The following MYOM1 variants were observed in gnomAD, a reference collection of about 807,000 sequenced individuals.
MYOM1 encodes myomesin 1.
Under a neutral mutation model 205.3 loss-of-function variants are expected in MYOM1, and 164 were observed. That is an observed-to-expected ratio of 0.80 (90% CI 0.70 to 0.91). The LOEUF is 0.91. Ranked by LOEUF, MYOM1 falls within the 40% of genes least tolerant of loss-of-function variation. The probability of loss-of-function intolerance (pLI) is 0.00; values close to 1 mark genes in which losing one functional copy is unlikely to be tolerated. For missense variants in MYOM1, 2,011 were observed against 2,127.3 expected (o/e 0.95, Z 1.08); for synonymous variants, 772 against 789.4 (o/e 0.98, Z 0.37).
chr18:3,184,779 C>T (rs898956007), intron 5 of MYOM1, among the ~76,000 whole-genome samples: 6 of 152,290 alleles, frequency 3.9e-5, no homozygotes, highest in South Asian at 4.1e-4. Context: ...ATGCTTTGCA[C>T]GGGGCTCAAG....
chr18:3,155,740 T>C (rs1038384466), intron 10 of MYOM1, among the ~76,000 whole-genome samples: 2 of 152,080 alleles, frequency 1.3e-5, no homozygotes, highest in Non-Finnish European at 2.9e-5. Context: ...TCTCATGACA[T>C]TGATTGTGCA....
chr18:3,075,587 T>C, intron 35 of MYOM1, 111 bp from the exon 36 acceptor site: 1 of 1,433,198 alleles, frequency 7.0e-7, no homozygotes, highest in Non-Finnish European at 9.8e-7. Flanking sequence ...TGCTGTTCAA[T>C]ATAACAATGG....
rs775657868 is a variant in MYOM1, at chr18:3,075,761, G to C, written c.4649C>G (p.Ala1550Gly). The change falls in exon 35 of 38, where the codon GCA becomes GGA. Residue 1550 changes from alanine to glycine, a missense_variant and splice_region_variant. Physicochemically the swap from Ala to Gly is moderately conservative, Grantham distance 60. Coordinates refer to ENST00000356443, the MANE Select transcript of MYOM1 (RefSeq NM_003803.4). ...HQKTVDLSGQ[A>G]YDEAYAEFQR... is the part of the protein sequence containing the mutation. ...GAATTCAGCATAGGCCTCATCGTAT[G>C]CTTTAAAAGAAAAAAGAAAAGTTAG... 6.3e-7 allele frequency: 1 copy of C among 1,584,820 alleles called. No homozygotes were observed. Among genetic ancestry groups the C allele is most frequent in the South Asian group, 1.1e-5 (1 of 87,232 alleles).
intron 2 of MYOM1, 87 bp from the exon 3 acceptor site, chr18:3,194,045 G>T (rs975046631): frequency 2.2e-6 from 3 of 1,377,186 alleles, no homozygotes; most frequent in Non-Finnish European, 2.0e-6. Context: ...TAACTTGGGA[G>T]AAATTTTACC....
At chr18:3,095,198 C>T (rs945997502) in intron 25 of MYOM1, among the ~76,000 whole-genome samples, 1 of 151,906 alleles carries the variant, frequency 6.6e-6, no homozygotes, top group Admixed American at 6.6e-5. Flanking sequence ...GCTTTGGAGT[C>T]CCACCAAGAT....
At chr18:3,198,654 G>A (rs1474378878) in intron 2 of MYOM1, among the ~76,000 whole-genome samples, 1 of 151,968 alleles carries the variant, frequency 6.6e-6, no homozygotes, top group Non-Finnish European at 1.5e-5. Context: ...CGTGGTGGCG[G>A]GCGCCTGTAA....
intron 25 of MYOM1, among the ~76,000 whole-genome samples, chr18:3,096,757 G>A (rs1047681243): frequency 5.3e-5 from 8 of 152,182 alleles, no homozygotes; most frequent in Non-Finnish European, 1.0e-4. Flanking sequence ...TGCAAATGAA[G>A]GGCTATTATG....
chr18:3,187,219 C>A (rs1470619691), intron 5 of MYOM1, among the ~76,000 whole-genome samples: 1 of 152,062 alleles, frequency 6.6e-6, no homozygotes, highest in East Asian at 1.9e-4. Context: ...GACTAAAATG[C>A]AATACTTCAT....
rs188713663 is a variant in MYOM1 at position 3,219,255 on chromosome 18, G to A, written c.-29+548C>T. On this transcript the variant is annotated intron_variant, in intron 1 of 37. Coordinates refer to ENST00000356443, the MANE Select transcript of MYOM1 (RefSeq NM_003803.4). The surrounding 1 kb of genome is among the most constrained non-coding windows in gnomAD (Gnocchi z 4.4). Reference sequence around the variant, plus strand: ...ACGATTCCCAGAAAAATCACTATGTGGGGCTCTATGTTGCCTCTGAAATAT... The same window carrying A: ...ACGATTCCCAGAAAAATCACTATGTAGGGCTCTATGTTGCCTCTGAAATAT... Among the ~76,000 whole-genome samples the A allele has an allele frequency of 7.4e-4, 113 of 152,214 alleles. No homozygotes were observed. Among genetic ancestry groups the A allele is most frequent in the Non-Finnish European group, 8.7e-4 (59 of 68,016 alleles).
At chr18:3,194,655 A>G (rs2080968741) in intron 2 of MYOM1, among the ~76,000 whole-genome samples, 1 of 152,212 alleles carries the variant, frequency 6.6e-6, no homozygotes, top group Admixed American at 6.5e-5. Flanking sequence ...CAGAGATAGC[A>G]GAGGAAAAGG....
chr18:3,079,182 G>A lies in MYOM1; in HGVS notation c.4645C>T (p.Gln1549Ter). 6.2e-7 allele frequency: 1 copy of A among 1,613,544 alleles called. No individual in the cohort carries two copies. The highest frequency in any genetic ancestry group is 8.5e-7 in the Non-Finnish European group (1 of 1,179,766). The change falls in exon 34 of 38, where the codon CAA becomes TAA. Residue 1549 changes from glutamine (Q) to a stop codon, truncating the protein, a stop_gained. Transcript: ENST00000356443. LOFTEE classifies it high-confidence loss of function. ...GHQKTVDLSG[Q>*]AYDEAYAEFQ... ...AATCTGCAAAATATCTGTTTACCTT[G>A]TCCAGAGAGATCCACTGTCTTCTGA... is the stretch of plus-strand genomic sequence containing the variant.
intron 3 of MYOM1, among the ~76,000 whole-genome samples, chr18:3,193,337 TGTAC>T (rs1423295654): frequency 3.8e-4 from 53 of 141,118 alleles, no homozygotes; most frequent in Middle Eastern, 3.6e-3. Flanking sequence ...TACATATATA[TGTAC>T]ATATACATAT....
chr18:3,158,768 T>G (rs908975768), intron 10 of MYOM1, among the ~76,000 whole-genome samples: 6 of 152,088 alleles, frequency 3.9e-5, no homozygotes, highest in Non-Finnish European at 8.8e-5. Context: ...TATACTCCAC[T>G]ATGCCCAGCT....
chr18:3,130,117 A>C (rs1055382549), intron 17 of MYOM1, among the ~76,000 whole-genome samples: 1 of 150,076 alleles, frequency 6.7e-6, no homozygotes, highest in Non-Finnish European at 1.5e-5. Flanking sequence ...ATCTCGGCTC[A>C]CTGCAACCTC....
At chr18:3,246,847 G>A in the MYOM1 span, 1 of 152,162 alleles carries the variant, frequency 6.6e-6, no homozygotes, top group Non-Finnish European at 1.5e-5. Flanking sequence ...GAGCTGAGGG[G>A]GCCAGAACAA....
intron 10 of MYOM1, among the ~76,000 whole-genome samples, chr18:3,157,107 GC>G (rs1396808401): frequency 6.6e-6 from 1 of 152,138 alleles, no homozygotes; most frequent in Admixed American, 6.5e-5. Context: ...TTTGCTAACG[GC>G]CTATACCACA....
At chr18:3,194,139 T>C (rs2080960346) in intron 2 of MYOM1, among the ~76,000 whole-genome samples, 181 bp from the exon 3 acceptor site, 2 of 152,242 alleles carry the variant, frequency 1.3e-5, no homozygotes, top group Admixed American at 1.3e-4. Context: ...ATGGATTCTA[T>C]ATAGACAGAA....
At chr18:3,084,309 G>T (rs1392883106) in intron 31 of MYOM1, among the ~76,000 whole-genome samples, 1 of 152,158 alleles carries the variant, frequency 6.6e-6, no homozygotes, top group African/African-American at 2.4e-5. Flanking sequence ...TTCTAGGAAG[G>T]TTCTTGGCTT....
Position 3,188,947 on chromosome 18 carries a change from G to A in MYOM1, c.572C>T (p.Thr191Met), listed in dbSNP as rs191505313. ...SKQSTASKQT[T>M]ASKQSTASKQ... ...GGATGCCGTGGACTGCTTAGATGCC[G>A]TGGTCTGCTTGGATGCCGTGGACTG... Residue 191 changes from threonine (T) to methionine (M), a missense_variant, in exon 4 of 38, where the codon ACG (threonine) becomes ATG (methionine). Coordinates refer to ENST00000356443, the MANE Select transcript of MYOM1 (RefSeq NM_003803.4). 480 of 1,600,572 alleles carry A rather than the reference G, an allele frequency of 3.0e-4. 4 individuals carry two copies. In the South Asian group the frequency reaches 3.8e-3, roughly 13 times the overall value.
Sources: gnomAD v4.1 joint callset for allele counts (sites outside exome capture counted in the v4.1 genomes callset) on GRCh38, gnomAD v4.1.1 for gene constraint, Gnocchi (gnomAD v3.1) non-coding constraint, MANE v1.5 for transcripts, NCBI Gene and HGNC (gene_info 2026-07-23, HGNC 2026-07-21) for gene names.